CDK6: variants seen among roughly 807,000 people sequenced by gnomAD.
The protein encoded by CDK6 is cyclin-dependent kinase 6.
A neutral mutation model predicts 37.1 loss-of-function variants in CDK6; 6 were observed. The ratio of observed to expected loss-of-function variants is 0.16; its 90% CI spans 0.09 to 0.32. The LOEUF (loss-of-function observed/expected upper bound fraction) is 0.32. Among genes scored for constraint, CDK6 ranks in the 10% least tolerant of loss-of-function variants. The pLI is 1.00. For missense variants in CDK6, 224 were observed against 418.9 expected, an observed-to-expected ratio of 0.53 and a Z score of 4.06; for synonymous variants, 160 against 161.3, an observed-to-expected ratio of 0.99 and a Z score of 0.06.
chr7:92,666,241 C>T (rs1796953834), intron 5 of CDK6, among the ~76,000 whole-genome samples: 1 of 152,334 alleles, frequency 6.6e-6, no homozygotes, highest in Middle Eastern at 3.4e-3. Context: ...ATTATACCCA[C>T]TCACAGTACT....
intron 2 of CDK6, among the ~76,000 whole-genome samples, chr7:92,780,781 A>AAAAAAAC (rs1799970045): frequency 6.6e-6 from 1 of 150,728 alleles, no homozygotes; most frequent in Non-Finnish European, 1.5e-5. Flanking sequence ...AAAAAAAAAC[A>AAAAAAAC]AAAAAACAAA....
chr7:92,737,478 C>T (rs1254789384), intron 3 of CDK6, among the ~76,000 whole-genome samples: 1 of 152,134 alleles, frequency 6.6e-6, no homozygotes, highest in Admixed American at 6.5e-5. Flanking sequence ...TTCCCTATAC[C>T]TGGACAGATT....
At chr7:92,778,404 T>G (rs1221173173) in intron 2 of CDK6, among the ~76,000 whole-genome samples, 1 of 152,196 alleles carries the variant, frequency 6.6e-6, no homozygotes, top group Non-Finnish European at 1.5e-5. Flanking sequence ...ATTATTCCAA[T>G]AAAGTAAAAA....
chr7:92,654,306 G>T (rs1410478525), intron 5 of CDK6, among the ~76,000 whole-genome samples: 6 of 149,438 alleles, frequency 4.0e-5, no homozygotes, highest in Non-Finnish European at 7.4e-5. Flanking sequence ...TTTTTCTTTG[G>T]TTTTTTGAGT....
At chr7:92,767,164 G>A (rs1347032692) in intron 3 of CDK6, among the ~76,000 whole-genome samples, 1 of 152,120 alleles carries the variant, frequency 6.6e-6, no homozygotes, top group African/African-American at 2.4e-5. Context: ...CTAAATAGCT[G>A]TTATATTTTT....
intron 3 of CDK6, among the ~76,000 whole-genome samples, chr7:92,726,414 CTGTT>C (rs746724624): frequency 2.6e-5 from 4 of 152,146 alleles, no homozygotes; most frequent in South Asian, 2.1e-4. Flanking sequence ...TGCTGATTAA[CTGTT>C]TGTTTTTTTT....
At chr7:92,709,529 T>C (rs112135011) in intron 4 of CDK6, among the ~76,000 whole-genome samples, 1 of 152,244 alleles carries the variant, frequency 6.6e-6, no homozygotes, top group African/African-American at 2.4e-5. Flanking sequence ...CAGATTTACA[T>C]ATACATATAT....
chr7:92,675,225 A>T (rs1211349534), intron 4 of CDK6, among the ~76,000 whole-genome samples: 2 of 152,202 alleles, frequency 1.3e-5, no homozygotes, highest in African/African-American at 4.8e-5. Flanking sequence ...TATACCTATT[A>T]TGATAAATAA....
intron 2 of CDK6, among the ~76,000 whole-genome samples, chr7:92,798,129 T>C (rs576782472): frequency 1.3e-5 from 2 of 152,296 alleles, no homozygotes; most frequent in East Asian, 1.9e-4. Context: ...GCTTTAGCCA[T>C]ACAAAGCCCA....
intron 5 of CDK6, among the ~76,000 whole-genome samples, chr7:92,668,560 G>C (rs1319109721): frequency 6.6e-6 from 1 of 152,192 alleles, no homozygotes; most frequent in African/African-American, 2.4e-5. Flanking sequence ...AGAAGTTCAA[G>C]ACAACCAGGG....
chr7:92,719,148 G>A (rs1025265855), intron 4 of CDK6, among the ~76,000 whole-genome samples: 1 of 152,100 alleles, frequency 6.6e-6, no homozygotes, highest in Non-Finnish European at 1.5e-5. Context: ...TCAACTTTAA[G>A]TTCCAGGGTA....
At position 92,718,939 on chromosome 7, in the gene CDK6, G is replaced by C. The variant is rs1798300414; in HGVS notation, c.537+6687C>G. Among the ~76,000 whole-genome samples, 3 of 152,276 alleles carry C rather than the reference G, an allele frequency of 2.0e-5. No individual in the cohort carries two copies. In the South Asian group the frequency reaches 6.2e-4, roughly 32 times the overall value. ...TCCCTCAGCTTCACTGACAGCGTCT[G>C]CACATAGAAAGTGATCAGTAATTAT... is the stretch of plus-strand genomic sequence containing the variant. On this transcript the variant is annotated intron_variant, in intron 4 of 7. Coordinates refer to ENST00000424848, the MANE Select transcript of CDK6 (RefSeq NM_001145306.2).
At chr7:92,746,275 A>C (rs1219266122) in intron 3 of CDK6, among the ~76,000 whole-genome samples, 1 of 152,186 alleles carries the variant, frequency 6.6e-6, no homozygotes. Flanking sequence ...AGAAGTGAGA[A>C]GTCTCAGTCG....
intron 5 of CDK6, among the ~76,000 whole-genome samples, chr7:92,661,932 T>A (rs1796848480): frequency 6.6e-6 from 1 of 152,118 alleles, no homozygotes; most frequent in Admixed American, 6.5e-5. Context: ...AATGAGCAAG[T>A]GAAGAAGAAG....
At chr7:92,618,424 T>C (rs1795728618) in intron 6 of CDK6, 1 of 533,542 alleles carries the variant, frequency 1.9e-6, no homozygotes, top group South Asian at 2.5e-5. Context: ...AATTGTAAAA[T>C]TCAGTGGGAG....
chr7:92,787,402 G>C (rs980514795), intron 2 of CDK6, among the ~76,000 whole-genome samples: 2 of 151,864 alleles, frequency 1.3e-5, no homozygotes, highest in African/African-American at 4.8e-5. Flanking sequence ...TCTTCAATCT[G>C]TTCCTCTGAA....
At chr7:92,646,792 CA>C (rs1796462198) in intron 5 of CDK6, among the ~76,000 whole-genome samples, 1 of 152,026 alleles carries the variant, frequency 6.6e-6, no homozygotes, top group Non-Finnish European at 1.5e-5. Context: ...CCTTATTATG[CA>C]ACTGAGTTAA....
chr7:92,833,619 A>C lies in CDK6; in HGVS notation c.-296T>G. 1.9e-6 allele frequency: 1 copy of C among 529,724 alleles called. No individual in the cohort carries two copies. The highest frequency in any genetic ancestry group is 2.8e-5 in the South Asian group (1 of 36,144). The allele number at this position is 529,724 out of a possible 1,614,324, so 32.8% of individuals were successfully genotyped here. A position where few individuals can be genotyped will look rare whatever the true frequency, so the allele number is the denominator to read the frequency against. ...GCCGATCCCTCCTCTTCCCTCCTCG[A>C]AGCGAAGTCCTCAACACAGACACGA... On this transcript the variant is annotated 5_prime_UTR_variant, in exon 2 of 8. Coordinates refer to ENST00000424848, the MANE Select transcript of CDK6 (RefSeq NM_001145306.2). This position sits in a 1 kb window ranked among gnomAD's most constrained non-coding sequence, Gnocchi z 6.1.
At chr7:92,796,129 T>A (rs562554332) in intron 2 of CDK6, among the ~76,000 whole-genome samples, 1 of 151,288 alleles carries the variant, frequency 6.6e-6, no homozygotes, top group Admixed American at 6.6e-5. Flanking sequence ...AAAATTTCAC[T>A]TAGCATGCAT....
Sources: gnomAD v4.1 joint callset for allele counts (sites outside exome capture counted in the v4.1 genomes callset) on GRCh38, gnomAD v4.1.1 for gene constraint, Gnocchi (gnomAD v3.1) non-coding constraint, MANE v1.5 for transcripts, NCBI Gene and HGNC (gene_info 2026-07-23, HGNC 2026-07-21) for gene names.